PPP1R42: variants seen among roughly 807,000 people sequenced by gnomAD.
PPP1R42 encodes protein phosphatase 1 regulatory subunit 42, also known as leucine rich repeat containing 67.
A neutral mutation model predicts 31.0 loss-of-function variants in PPP1R42; 34 were observed. The ratio of observed to expected loss-of-function variants is 1.10; its 90% confidence interval spans 0.83 to 1.46. PPP1R42 has a LOEUF of 1.46. PPP1R42 is among the 40% of genes most tolerant of loss of function. The probability of loss-of-function intolerance (pLI) is 0.00; values close to 1 mark genes in which losing one functional copy is unlikely to be tolerated. For synonymous variants in PPP1R42, 103 were observed against 109.8 expected, an observed-to-expected ratio of 0.94 and a Z score of 0.39; for missense variants, 268 against 303.0, an observed-to-expected ratio of 0.88 and a Z score of 0.86.
At chr8:66,981,821 A>G (rs565578661) in intron 7 of PPP1R42, among the ~76,000 whole-genome samples, 49 of 152,350 alleles carry the variant, frequency 3.2e-4, no homozygotes, top group African/African-American at 1.1e-3. Context: ...AACCAAACAC[A>G]GCTGTTGTTC....
intron 4 of PPP1R42, among the ~76,000 whole-genome samples, chr8:67,011,141 A>G (rs1815832753): frequency 6.6e-6 from 1 of 152,248 alleles, no homozygotes; most frequent in Admixed American, 6.5e-5. Context: ...AAAGAAAGAA[A>G]AAAAGATGCC....
chr8:67,016,282 T>C (rs968049527), intron 2 of PPP1R42, among the ~76,000 whole-genome samples: 2 of 152,172 alleles, frequency 1.3e-5, no homozygotes, highest in Non-Finnish European at 2.9e-5. Flanking sequence ...AGTCAGGCAT[T>C]GTAATGGATG....
chr8:67,016,880 A>G (rs1367637406), intron 2 of PPP1R42, among the ~76,000 whole-genome samples: 1 of 152,044 alleles, frequency 6.6e-6, no homozygotes, highest in Non-Finnish European at 1.5e-5. Context: ...TCACTGTTAA[A>G]CTTTTGAAAA....
At chr8:67,020,877 C>T (rs931902521) in intron 1 of PPP1R42, among the ~76,000 whole-genome samples, 6 of 152,156 alleles carry the variant, frequency 3.9e-5, no homozygotes, top group Non-Finnish European at 7.4e-5. Flanking sequence ...CTTGAGCCCA[C>T]GAGTTCCAGG....
intron 1 of PPP1R42, among the ~76,000 whole-genome samples, chr8:67,018,696 AG>A (rs1816094745): frequency 6.9e-6 from 1 of 145,588 alleles, no homozygotes; most frequent in Non-Finnish European, 1.5e-5. Flanking sequence ...TATTTTTAGT[AG>A]AGATGGGGTT....
chr8:66,967,799 C>T (rs1474708290), intron 7 of PPP1R42, among the ~76,000 whole-genome samples: 1 of 151,920 alleles, frequency 6.6e-6, no homozygotes, highest in Non-Finnish European at 1.5e-5. Context: ...ACTATTTTTA[C>T]ATTAACAAAA....
At chr8:67,009,582 A>C (rs1815785095) in intron 5 of PPP1R42, among the ~76,000 whole-genome samples, 1 of 152,170 alleles carries the variant, frequency 6.6e-6, no homozygotes, top group African/African-American at 2.4e-5. Flanking sequence ...AAGAAAAAAA[A>C]AATGTAAAAT....
At chr8:67,012,924 T>C in intron 4 of PPP1R42, 34 bp downstream of exon 4, 1 of 1,576,546 alleles carries the variant, frequency 6.3e-7, no homozygotes, top group Non-Finnish European at 8.6e-7. Context: ...TTAATCACTA[T>C]ATTCCTTGTC....
intron 7 of PPP1R42, among the ~76,000 whole-genome samples, chr8:66,975,942 A>AG (rs956026622): frequency 6.6e-5 from 10 of 152,288 alleles, no homozygotes; most frequent in Admixed American, 6.5e-4. Flanking sequence ...CCTATAGTGC[A>AG]GGGGTCCCCA....
chr8:66,993,189 A>C (rs1815241900), intron 5 of PPP1R42, among the ~76,000 whole-genome samples: 1 of 152,180 alleles, frequency 6.6e-6, no homozygotes, highest in East Asian at 1.9e-4. Flanking sequence ...TACTTCCTAA[A>C]CAGCTCTCCA....
At chr8:66,984,847 A>G in intron 6 of PPP1R42, 2 of 1,592,486 alleles carry the variant, frequency 1.3e-6, no homozygotes, top group Non-Finnish European at 1.7e-6. Flanking sequence ...TTTTTCTAGT[A>G]GTTCCTTCTG....
At chr8:67,019,010 A>G (rs111764178) in intron 1 of PPP1R42, among the ~76,000 whole-genome samples, 4 of 146,412 alleles carry the variant, frequency 2.7e-5, no homozygotes, top group Admixed American at 2.7e-4. Flanking sequence ...TTTTTTTTTT[A>G]ATTTTAATGG....
chr8:66,987,847 T>C (rs1299226887), intron 6 of PPP1R42, among the ~76,000 whole-genome samples: 1 of 152,204 alleles, frequency 6.6e-6, no homozygotes, highest in Non-Finnish European at 1.5e-5. Context: ...TTTCTGATGC[T>C]GTGTCACTTG....
In PPP1R42 at chr8:66,970,099, A is replaced by G. The variant is rs186961829; in HGVS notation, c.803-5765T>C. 3.5e-4 allele frequency among the ~76,000 whole-genome samples: 54 copies of G among 152,258 alleles called. 1 individual carries two copies. Among genetic ancestry groups the G allele is most frequent in the Admixed American group, 3.3e-3 (50 of 15,274 alleles). On this transcript the variant is annotated intron_variant, in intron 7 of 7. Coordinates refer to ENST00000685739, the MANE Select transcript of PPP1R42 (RefSeq NM_001364910.1). ...ATATGGCAGATGTCTCATGTTTTAT[A>G]TATAAATGAAATTACTTTCTGGTAT...
At chr8:67,026,843 CAAAA>C (rs1219688236) in intron 1 of PPP1R42, 1 of 150,046 alleles carries the variant, frequency 6.7e-6, no homozygotes, top group Non-Finnish European at 1.5e-5. Context: ...AAACAAAAAA[CAAAA>C]AACAGAATAA....
chr8:66,976,773 G>A (rs1814688191), intron 7 of PPP1R42, among the ~76,000 whole-genome samples: 1 of 152,014 alleles, frequency 6.6e-6, no homozygotes, highest in Non-Finnish European at 1.5e-5. Flanking sequence ...ATTCCATTGT[G>A]TATATATACC....
intron 5 of PPP1R42, among the ~76,000 whole-genome samples, chr8:66,998,348 G>A (rs1052569658): frequency 6.6e-6 from 1 of 152,042 alleles, no homozygotes; most frequent in African/African-American, 2.4e-5. Flanking sequence ...ATTTCTAGTT[G>A]TTCACTGCTA....
chr8:67,013,676 C>T (rs536961241), intron 3 of PPP1R42, among the ~76,000 whole-genome samples: 3 of 152,222 alleles, frequency 2.0e-5, no homozygotes, highest in East Asian at 1.9e-4. Context: ...GTCATGATCG[C>T]GCCACTGCAT....
chr8:67,002,453 C>T (rs535895325), intron 5 of PPP1R42, among the ~76,000 whole-genome samples: 220 of 152,348 alleles, frequency 1.4e-3, no homozygotes, highest in African/African-American at 3.8e-3. Context: ...CCCGCCTTGG[C>T]CTCCCAAAGT....
Sources: allele counts gnomAD v4.1 joint callset (sites outside exome capture counted in the v4.1 genomes callset), GRCh38; gene constraint gnomAD v4.1.1; transcripts MANE v1.5; gene names NCBI Gene and HGNC (gene_info 2026-07-23, HGNC 2026-07-21).